ABCA13: variants seen among roughly 807,000 people sequenced by gnomAD.
ABCA13 encodes the protein ATP-binding cassette sub-family A member 13.
A neutral mutation model predicts 478.7 loss-of-function variants in ABCA13; 476 were observed. The ratio of observed to expected loss-of-function variants is 0.99; its 90% CI spans 0.92 to 1.07. The LOEUF (loss-of-function observed/expected upper bound fraction) is 1.07. Ranked by LOEUF, ABCA13 falls within the 50% of genes least tolerant of loss-of-function variation. ABCA13 has a pLI of 0.00. For missense variants in ABCA13, 6,060 were observed against 5,910.6 expected (o/e 1.03, Z -0.83); for synonymous variants, 2,252 against 2,158.9 (o/e 1.04, Z -1.20).
chr7:48,502,278 C>T (rs978611147), intron 48 of ABCA13, among the ~76,000 whole-genome samples: 3 of 152,176 alleles, frequency 2.0e-5, no homozygotes, highest in Non-Finnish European at 4.4e-5. Flanking sequence ...AAAAGAATGA[C>T]ACAAATCCAG....
intron 7 of ABCA13, among the ~76,000 whole-genome samples, chr7:48,231,642 C>G (rs1386295484): frequency 6.6e-6 from 1 of 151,124 alleles, no homozygotes; most frequent in Non-Finnish European, 1.5e-5. Context: ...CTCCTGAGGT[C>G]TCAGTCTCCT....
intron 23 of ABCA13, among the ~76,000 whole-genome samples, chr7:48,307,579 CAAT>C (rs1801092881): frequency 6.6e-6 from 1 of 152,036 alleles, no homozygotes; most frequent in Non-Finnish European, 1.5e-5. Context: ...ACTGTAGACT[CAAT>C]AAACATTGTG....
In ABCA13 at chr7:48,580,207, GCTGCTTCTCTCTGCA is replaced by G; in HGVS notation, c.14355-16_14355-2del. 1 of 1,596,940 alleles carries G rather than the reference GCTGCTTCTCTCTGCA, an allele frequency of 6.3e-7. No homozygotes were observed. The highest frequency in any genetic ancestry group is 8.5e-7 in the Non-Finnish European group (1 of 1,172,910). On this transcript the variant is annotated splice_acceptor_variant and splice_polypyrimidine_tract_variant and intron_variant, in intron 55 of 61. Transcript: ENST00000435803. LOFTEE classifies it high-confidence loss of function. ...TGGGAAACTGCTGTTCTCAGCCTGT[GCTGCTTCTCTCTGCA>G]GAGACGCCGTGGACCTGTCTTCTGC...
chr7:48,519,638 T>G (rs1237799676), intron 52 of ABCA13, among the ~76,000 whole-genome samples: 5 of 152,244 alleles, frequency 3.3e-5, no homozygotes, highest in African/African-American at 1.2e-4. Context: ...ATTATCATTT[T>G]CACATAATCC....
chr7:48,177,021 A>C (rs1794979005), intron 1 of ABCA13, among the ~76,000 whole-genome samples: 1 of 152,196 alleles, frequency 6.6e-6, no homozygotes, highest in Non-Finnish European at 1.5e-5. Flanking sequence ...AGGTGCTAAA[A>C]ACTGAACTTG....
At chr7:48,224,792 C>T (rs548331413) in intron 5 of ABCA13, among the ~76,000 whole-genome samples, 98 of 152,152 alleles carry the variant, frequency 6.4e-4, no homozygotes, top group Non-Finnish European at 1.2e-3. Flanking sequence ...AAAAAGTCAG[C>T]GCCATATTTT....
chr7:48,598,728 G>GC (rs1248350113), intron 58 of ABCA13, among the ~76,000 whole-genome samples: 2 of 151,852 alleles, frequency 1.3e-5, no homozygotes, highest in African/African-American at 4.8e-5. Flanking sequence ...TATGGTTTGT[G>GC]CTTTTGGTGT....
chr7:48,373,829 A>G (rs1383733242), intron 33 of ABCA13, among the ~76,000 whole-genome samples: 1 of 152,048 alleles, frequency 6.6e-6, no homozygotes, highest in East Asian at 1.9e-4. Context: ...AAAATATCTA[A>G]CTCTGGTACA....
chr7:48,313,019 T>C (rs1397793669), intron 24 of ABCA13, 48 bp from the exon 25 acceptor site: 1 of 1,478,378 alleles, frequency 6.8e-7, no homozygotes, highest in African/African-American at 1.4e-5. Context: ...AGTGTAAAAA[T>C]ACAGTGTTGG....
chr7:48,447,062 T>C (rs1323208886), intron 42 of ABCA13, among the ~76,000 whole-genome samples: 1 of 152,186 alleles, frequency 6.6e-6, no homozygotes, highest in East Asian at 1.9e-4. Flanking sequence ...ATAAACCTCC[T>C]GAGGTTAATG....
intron 59 of ABCA13, among the ~76,000 whole-genome samples, chr7:48,634,886 G>A (rs1053105582): frequency 1.6e-4 from 24 of 152,132 alleles, no homozygotes; most frequent in African/African-American, 4.3e-4. Flanking sequence ...CTTCTGCCTC[G>A]TTGTTTTACC....
At chr7:48,454,472 A>T (rs1433894171) in intron 42 of ABCA13, among the ~76,000 whole-genome samples, 2 of 152,048 alleles carry the variant, frequency 1.3e-5, no homozygotes, top group Admixed American at 6.5e-5. Context: ...ATAGCTGAGG[A>T]TGTTTTCACA....
intron 41 of ABCA13, among the ~76,000 whole-genome samples, chr7:48,419,778 T>C (rs1222272399): frequency 5.9e-5 from 9 of 152,198 alleles, no homozygotes; most frequent in Admixed American, 5.9e-4. Context: ...AGATTTTACG[T>C]ATCTCTCTTT....
intron 5 of ABCA13, among the ~76,000 whole-genome samples, chr7:48,222,749 T>C (rs1315388268): frequency 1.3e-5 from 2 of 152,236 alleles, no homozygotes; most frequent in African/African-American, 2.4e-5. Context: ...TTTTTTATTA[T>C]AGAATTCTGA....
rs758868041 is a variant in ABCA13, at chr7:48,274,675, T to G, written c.5009T>G (p.Leu1670Arg). ...LKKVTSVMRT[L>R]KKADIDLLVD... ...AAGGTAACTTCTGTCATGCGTACCC[T>G]TAAGAAGGCAGACATAGACCTTTTA... Residue 1670 changes from leucine (L) to arginine (R), a missense_variant, in exon 17 of 62, where the codon CTT becomes CGT. Around this residue, in one of 3 missense-constraint regions of ABCA13, gnomAD observed 4,423 missense variants for 4,309.1 expected, o/e 1.03. Transcript: ENST00000435803. 32 of 1,613,878 alleles carry G rather than the reference T, an allele frequency of 2.0e-5. No individual in the cohort carries two copies. The South Asian group carries it at 3.0e-4, about 15-fold the overall frequency.
rs988051055 is a variant in ABCA13 at position 48,372,283 on chromosome 7, G to A, written c.10919G>A (p.Gly3640Asp). ...ATLAIVLKTS[G>D]IFAHSNTFIV... ...CTGGCCATCGTTCTGAAAACAAGTG[G>A]CATCTTTGCACACAGCAATACCTTT... The change falls in exon 33 of 62, where the codon GGC (glycine) becomes GAC (aspartate). Residue 3640 changes from glycine (G) to aspartate (D), a missense_variant. Gly to Asp is a moderately conservative substitution (Grantham distance 94, BLOSUM62 -1). Transcript: ENST00000435803. 2.5e-6 allele frequency: 4 copies of A among 1,613,764 alleles called. No individual in the cohort carries two copies. Among genetic ancestry groups the A allele is most frequent in the Middle Eastern group, 1.6e-4 (1 of 6,084 alleles).
intron 1 of ABCA13, among the ~76,000 whole-genome samples, chr7:48,183,912 C>T (rs956794089): frequency 1.3e-5 from 2 of 152,126 alleles, no homozygotes; most frequent in African/African-American, 2.4e-5. Context: ...ATAATCCCTT[C>T]TTAACAACTG....
At chr7:48,335,320 A>T (rs769012905) in intron 27 of ABCA13, 102 bp from the exon 28 acceptor site, 10 of 733,210 alleles carry the variant, frequency 1.4e-5, no homozygotes, top group Non-Finnish European at 1.9e-5. Context: ...CTGCAGGCAG[A>T]TCTTTGCTCT....
At position 48,272,021 on chromosome 7, in the gene ABCA13, A is replaced by G; in HGVS notation, c.2355A>G (p.Pro785=). 1 of 1,613,710 alleles carries G rather than the reference A, an allele frequency of 6.2e-7. No individual in the cohort carries two copies. The highest frequency in any genetic ancestry group is 8.5e-7 in the Non-Finnish European group (1 of 1,179,742). ...ATTTAAAAAGTTTAAAGAGAGACCC[A>G]TCTGCCACTGATGCTCAGAAACTCT... The part of the protein sequence containing the change: ...TNHLKSLKRD[P]SATDAQKLLE... Residue 785 remains proline, a synonymous_variant, in exon 17 of 62, where the codon CCA becomes CCG. Transcript: ENST00000435803.
Sources: allele counts gnomAD v4.1 joint callset (sites outside exome capture counted in the v4.1 genomes callset), GRCh38; gene constraint gnomAD v4.1.1; regional missense constraint gnomAD v4.1.1; transcripts MANE v1.5; gene names NCBI Gene and HGNC (gene_info 2026-07-23, HGNC 2026-07-21).